ROBO2: variants seen among roughly 807,000 people sequenced by gnomAD.
ROBO2 encodes roundabout guidance receptor 2.
In ROBO2, 53 loss-of-function variants were observed where a neutral mutation model predicts 160.8. That is an observed-to-expected ratio of 0.33 (90% confidence interval 0.26 to 0.41). The LOEUF (loss-of-function observed/expected upper bound fraction) is 0.41. ROBO2 is among the 10% of genes least tolerant of loss of function. The pLI is 1.00. For synonymous variants in ROBO2, 664 were observed against 611.7 expected (o/e 1.09, Z -1.26); for missense variants, 1,577 against 1,722.4 (o/e 0.92, Z 1.49).
At chr3:76,066,233 C>T (rs1017211984) in intron 2 of ROBO2, among the ~76,000 whole-genome samples, 9 of 152,080 alleles carry the variant, frequency 5.9e-5, no homozygotes, top group African/African-American at 2.2e-4. Flanking sequence ...TAATAACTCA[C>T]TCCATTTTGG....
chr3:77,579,779 T>G (rs1226192933), intron 15 of ROBO2, among the ~76,000 whole-genome samples, 168 bp from the exon 17 acceptor site: 1 of 152,282 alleles, frequency 6.6e-6, no homozygotes, highest in Non-Finnish European at 1.5e-5. Flanking sequence ...CACTTACATA[T>G]ACACTCAAAC....
chr3:77,626,130 G>A (rs1195177113), intron 23 of ROBO2, among the ~76,000 whole-genome samples: 1 of 152,074 alleles, frequency 6.6e-6, no homozygotes, highest in Non-Finnish European at 1.5e-5. Context: ...TAATATGCTG[G>A]TTTGTTGCTT....
chr3:77,191,547 T>G (rs891352479), intron 2 of ROBO2, among the ~76,000 whole-genome samples: 3 of 152,206 alleles, frequency 2.0e-5, no homozygotes, highest in African/African-American at 7.2e-5. Flanking sequence ...TATTCCATTT[T>G]ATCTAATAAA....
chr3:77,568,942 C>T (rs148309196), intron 13 of ROBO2, among the ~76,000 whole-genome samples: 10 of 152,072 alleles, frequency 6.6e-5, no homozygotes, highest in Non-Finnish European at 1.2e-4. Context: ...TTTCACTCTG[C>T]ATAATGTTTT....
At chr3:76,233,452 ATT>A (rs532178340) in intron 2 of ROBO2, among the ~76,000 whole-genome samples, 4 of 152,090 alleles carry the variant, frequency 2.6e-5, no homozygotes, top group Non-Finnish European at 5.9e-5. Flanking sequence ...CCTGCTGGGT[ATT>A]ATTGTAATTG....
intron 1 of ROBO2, among the ~76,000 whole-genome samples, chr3:75,918,686 T>C (rs1946908910): frequency 6.6e-6 from 1 of 152,160 alleles, no homozygotes; most frequent in Admixed American, 6.5e-5. Context: ...TTTCTCTATA[T>C]GTTTGTGTCC....
Position 76,062,942 on chromosome 3 carries a change from A to G in ROBO2, c.109+125340A>G, listed in dbSNP as rs78214921. Among the ~76,000 whole-genome samples the G allele has an allele frequency of 7.5e-3, 1,148 of 152,244 alleles. 14 individuals carry two copies. Among genetic ancestry groups the G allele is most frequent in the African/African-American group, 0.026 (1,089 of 41,548 alleles). On this transcript the variant is annotated intron_variant, in intron 2 of 26. Coordinates refer to the ROBO2 transcript ENST00000487694. ...GAAAATTATGCCTACTGATACTAATATTTGTCTATGTCATATTTAACAATC... is the reference window on the plus strand; with the variant it reads ...GAAAATTATGCCTACTGATACTAATGTTTGTCTATGTCATATTTAACAATC...
At chr3:76,982,206 T>C (rs528904592) in intron 2 of ROBO2, among the ~76,000 whole-genome samples, 1 of 152,340 alleles carries the variant, frequency 6.6e-6, no homozygotes, top group East Asian at 1.9e-4. Context: ...AAGAGTTTTA[T>C]ATTCTTACAT....
chr3:77,135,000 C>G (rs148932431), intron 2 of ROBO2, among the ~76,000 whole-genome samples: 1 of 152,256 alleles, frequency 6.6e-6, no homozygotes, highest in East Asian at 1.9e-4. Context: ...GGCAGGTAAA[C>G]GAGCTAGAGA....
intron 2 of ROBO2, among the ~76,000 whole-genome samples, chr3:77,180,264 AAT>A (rs2080591882): frequency 6.6e-6 from 1 of 151,890 alleles, no homozygotes; most frequent in Non-Finnish European, 1.5e-5. Context: ...ACCTCATTTG[AAT>A]CATTGAATCA....
At chr3:76,742,056 A>T (rs1022357333) in intron 2 of ROBO2, among the ~76,000 whole-genome samples, 42 of 152,224 alleles carry the variant, frequency 2.8e-4, no homozygotes, top group African/African-American at 9.6e-4. Flanking sequence ...CAGCTAATAA[A>T]TGAGTGAAAA....
chr3:76,339,725 C>G (rs1432100858), intron 2 of ROBO2, among the ~76,000 whole-genome samples: 1 of 152,028 alleles, frequency 6.6e-6, no homozygotes, highest in Non-Finnish European at 1.5e-5. Context: ...GTGTGCAGCA[C>G]CACTTTGAAT....
Position 76,516,442 on chromosome 3 carries a change from T to C in ROBO2, c.109+578840T>C, listed in dbSNP as rs375728375. On this transcript the variant is annotated intron_variant, in intron 2 of 26. Coordinates refer to the ROBO2 transcript ENST00000487694. ...AGTTCAAAATGTGACCCCGAACACATTGTCGTATTGAGTTGTAGATTCCCG... is the reference window on the plus strand; with the variant it reads ...AGTTCAAAATGTGACCCCGAACACACTGTCGTATTGAGTTGTAGATTCCCG... 9.9e-5 allele frequency among the ~76,000 whole-genome samples: 15 copies of C among 152,238 alleles called. 1 individual carries two copies. The highest frequency in any genetic ancestry group is 7.2e-4 in the Admixed American group (11 of 15,284).
intron 2 of ROBO2, among the ~76,000 whole-genome samples, chr3:77,012,411 C>T (rs1448653605): frequency 1.3e-5 from 2 of 152,124 alleles, no homozygotes; most frequent in African/African-American, 2.4e-5. Flanking sequence ...AAAGTTCATG[C>T]TCATAAATTA....
intron 2 of ROBO2, among the ~76,000 whole-genome samples, chr3:77,173,394 G>T (rs1285517796): frequency 6.6e-6 from 1 of 151,818 alleles, no homozygotes; most frequent in Non-Finnish European, 1.5e-5. Context: ...AAACAATTTA[G>T]CAAGTATATT....
intron 2 of ROBO2, among the ~76,000 whole-genome samples, chr3:76,012,833 A>G (rs59095363): frequency 0.06 from 8,471 of 141,012 alleles, 760 homozygotes; most frequent in African/African-American, 0.19. Context: ...CAGAAGTAAT[A>G]TGTATAAAGG....
intron 2 of ROBO2, among the ~76,000 whole-genome samples, chr3:76,443,694 C>T (rs141493275): frequency 4.5e-4 from 69 of 152,210 alleles, no homozygotes; most frequent in African/African-American, 1.6e-3. Flanking sequence ...CCACCTGCAA[C>T]AGAATCATCT....
At chr3:77,440,557 A>G (rs2079812015) in intron 2 of ROBO2, among the ~76,000 whole-genome samples, 1 of 152,184 alleles carries the variant, frequency 6.6e-6, no homozygotes, top group African/African-American at 2.4e-5. Flanking sequence ...TCATGACATG[A>G]TAGATGGAAT....
chr3:77,288,768 C>A (rs189236950), intron 2 of ROBO2, among the ~76,000 whole-genome samples: 1 of 151,938 alleles, frequency 6.6e-6, no homozygotes, highest in Non-Finnish European at 1.5e-5. Context: ...AAAAAGGAGA[C>A]GAGACCCTAC....
Sources: gnomAD v4.1 joint callset for allele counts (sites outside exome capture counted in the v4.1 genomes callset) on GRCh38, gnomAD v4.1.1 for gene constraint, MANE v1.5 for transcripts, NCBI Gene and HGNC (gene_info 2026-07-23, HGNC 2026-07-21) for gene names.